PTBP3: variants seen among roughly 807,000 people sequenced by gnomAD.
PTBP3 encodes polypyrimidine tract-binding protein 3.
A neutral mutation model predicts 58.7 loss-of-function variants in PTBP3; 20 were observed. The ratio of observed to expected loss-of-function variants is 0.34; its 90% CI spans 0.24 to 0.50. The LOEUF is 0.50. Ranked by LOEUF, PTBP3 falls within the 20% of genes least tolerant of loss-of-function variation. PTBP3 has a pLI of 0.98. For synonymous variants in PTBP3, 185 were observed against 219.8 expected (o/e 0.84, Z 1.40); for missense variants, 509 against 637.2 (o/e 0.80, Z 2.17).
At chr9:112,263,223 G>C (rs1308154945) in intron 4 of PTBP3, among the ~76,000 whole-genome samples, 1 of 152,116 alleles carries the variant, frequency 6.6e-6, no homozygotes, top group Non-Finnish European at 1.5e-5. Flanking sequence ...AATAACAACT[G>C]TTAAAAACAG....
chr9:112,232,103 G>A lies in PTBP3; in HGVS notation c.1016C>T (p.Pro339Leu). 6.2e-7 allele frequency: 1 copy of A among 1,610,436 alleles called. No homozygotes were observed. The highest frequency in any genetic ancestry group is 8.5e-7 in the Non-Finnish European group (1 of 1,178,986). ...ATATAATACTTTTCAACTCACATCA[G>A]GATTGAGATTTGTGACGAGTAGAAC... is the stretch of plus-strand genomic sequence containing the variant. Reference protein sequence around the residue: ...NSVLLVTNLNPDLITPHGLFI... With the variant: ...NSVLLVTNLNLDLITPHGLFI... The change falls in exon 9 of 14, where the codon CCT becomes CTT. Residue 339 changes from proline (P) to leucine (L), a missense_variant. Coordinates refer to ENST00000374257, the MANE Select transcript of PTBP3 (RefSeq NM_001163788.4).
At chr9:112,360,201 C>T in the PTBP3 span, among the ~76,000 whole-genome samples, 1 of 151,890 alleles carries the variant, frequency 6.6e-6, no homozygotes, top group African/African-American at 2.4e-5. Flanking sequence ...TTTTTTTTTC[C>T]AAGACAGGGT....
intron 1 of PTBP3, chr9:112,330,565 G>T: frequency 3.8e-6 from 3 of 791,822 alleles, no homozygotes; most frequent in Non-Finnish European, 6.1e-6. Flanking sequence ...AGGGGAAAAA[G>T]CATTATAATA....
chr9:112,249,162 G>C (rs975909993), intron 7 of PTBP3, among the ~76,000 whole-genome samples: 1 of 152,116 alleles, frequency 6.6e-6, no homozygotes, highest in African/African-American at 2.4e-5. Context: ...AGAAAAGCAA[G>C]AGAATAATTA....
At chr9:112,280,203 C>T (rs1208253167) in intron 2 of PTBP3, among the ~76,000 whole-genome samples, 22 of 152,062 alleles carry the variant, frequency 1.4e-4, no homozygotes, top group Admixed American at 1.4e-3. Context: ...TATAGGTGCA[C>T]ACCACCACGC....
chr9:112,289,694 A>T (rs1490922638), intron 2 of PTBP3, among the ~76,000 whole-genome samples: 1 of 152,082 alleles, frequency 6.6e-6, no homozygotes, highest in Non-Finnish European at 1.5e-5. Flanking sequence ...GGGTGGGAGG[A>T]TCTCTTGAGC....
chr9:112,289,438 T>C (rs1183701097), intron 2 of PTBP3, among the ~76,000 whole-genome samples: 1 of 152,016 alleles, frequency 6.6e-6, no homozygotes, highest in East Asian at 1.9e-4. Context: ...ACCTAGCTAT[T>C]TGCAAACCAA....
chr9:112,290,705 T>TACACACAC (rs1418787518), intron 2 of PTBP3, among the ~76,000 whole-genome samples: 6,810 of 72,682 alleles, frequency 0.094, 844 homozygotes, highest in African/African-American at 0.28. Context: ...TATATATATA[T>TACACACAC]ATACACACAC....
intron 1 of PTBP3, among the ~76,000 whole-genome samples, chr9:112,306,213 G>T (rs1462332419): frequency 2.0e-5 from 3 of 151,926 alleles, no homozygotes; most frequent in Admixed American, 6.6e-5. Context: ...CGCCCAGGCT[G>T]AAGTGCAGTG....
At chr9:112,325,754 T>A (rs866031777) in intron 1 of PTBP3, among the ~76,000 whole-genome samples, 23 of 152,308 alleles carry the variant, frequency 1.5e-4, no homozygotes, top group African/African-American at 5.1e-4. Context: ...ACAAGCACGG[T>A]GGCTCATGCC....
At chr9:112,230,541 T>C (rs1835160317) in intron 10 of PTBP3, among the ~76,000 whole-genome samples, 2 of 152,186 alleles carry the variant, frequency 1.3e-5, no homozygotes, top group South Asian at 2.1e-4. Flanking sequence ...GAAATAATTA[T>C]TGAAGTACAG....
chr9:112,266,549 T>C (rs889826910), intron 4 of PTBP3, among the ~76,000 whole-genome samples: 1 of 152,190 alleles, frequency 6.6e-6, no homozygotes, highest in Non-Finnish European at 1.5e-5. Flanking sequence ...TGGATTGGAA[T>C]ATGCTGCATT....
intron 1 of PTBP3, among the ~76,000 whole-genome samples, chr9:112,313,117 G>A (rs1204805325): frequency 6.6e-6 from 1 of 152,056 alleles, no homozygotes; most frequent in African/African-American, 2.4e-5. Flanking sequence ...ATCAGATAAA[G>A]ATAACATGAT....
intron 2 of PTBP3, among the ~76,000 whole-genome samples, chr9:112,290,593 AC>A (rs1195737183): frequency 2.0e-5 from 3 of 150,708 alleles, no homozygotes; most frequent in South Asian, 2.1e-4. Context: ...AATCGCTTGA[AC>A]CCAGGAGGCG....
chr9:112,326,081 G>A (rs1830145215), intron 1 of PTBP3, among the ~76,000 whole-genome samples: 2 of 152,142 alleles, frequency 1.3e-5, no homozygotes, highest in Non-Finnish European at 2.9e-5. Context: ...CCTAAACTGG[G>A]TCTGGAAAGA....
upstream of PTBP3, among the ~76,000 whole-genome samples, chr9:112,337,569 C>G (rs1378771287): frequency 6.6e-6 from 1 of 152,208 alleles, no homozygotes; most frequent in Non-Finnish European, 1.5e-5. Flanking sequence ...GTTCTATATA[C>G]TGGCTTCTTG....
At chr9:112,308,802 T>C (rs1829350540) in intron 1 of PTBP3, among the ~76,000 whole-genome samples, 1 of 152,010 alleles carries the variant, frequency 6.6e-6, no homozygotes, top group African/African-American at 2.4e-5. Flanking sequence ...CACAGCAAAT[T>C]TACATAAGTC....
In PTBP3 at chr9:112,222,136, G is replaced by C. The variant is rs981564475; in HGVS notation, c.*1715C>G. ...TTTATTCTTTTAAAAGTTGAGATGA[G>C]ACACTTTGAGAATCTGAAAAGTGTA... On this transcript the variant is annotated 3_prime_UTR_variant, in exon 14 of 14. Transcript: ENST00000374257. The C allele has an allele frequency of 4.1e-6, 4 of 985,624 alleles. No individual in the cohort carries two copies. In the African/African-American group the frequency reaches 7.0e-5, roughly 17 times the overall value. 61.1% of individuals were successfully genotyped at this position (985,624 alleles called of 1,614,324 possible). A position where few individuals can be genotyped will look rare whatever the true frequency, so the allele number is the denominator to read the frequency against.
At chr9:112,320,279 TAAAAAAA>T (rs35381625) in intron 1 of PTBP3, among the ~76,000 whole-genome samples, 16 of 43,744 alleles carry the variant, frequency 3.7e-4, no homozygotes, top group African/African-American at 2.1e-3. Context: ...CCCTTTCTCT[TAAAAAAA>T]AAAAAATATA....
Sources: allele counts gnomAD v4.1 joint callset (sites outside exome capture counted in the v4.1 genomes callset), GRCh38; gene constraint gnomAD v4.1.1; transcripts MANE v1.5; gene names NCBI Gene and HGNC (gene_info 2026-07-23, HGNC 2026-07-21).